The following CHST15 variants were observed in gnomAD, a reference collection of about 807,000 sequenced individuals.
CHST15 encodes carbohydrate sulfotransferase 15.
Under a neutral mutation model 53.6 loss-of-function variants are expected in CHST15, and 30 were observed. The ratio of observed to expected loss-of-function variants is 0.56; its 90% CI spans 0.42 to 0.76. The LOEUF (loss-of-function observed/expected upper bound fraction) is 0.76, where lower values mean the gene tolerates loss of function less well. Ranked by LOEUF, CHST15 falls within the 30% of genes least tolerant of loss-of-function variation. The pLI is 0.00. For synonymous variants in CHST15, 296 were observed against 289.8 expected (o/e 1.02, Z -0.22); for missense variants, 627 against 740.5 (o/e 0.85, Z 1.78).
Position 124,026,844 on chromosome 10 carries a change from C to T in CHST15, c.1191-5432G>A, listed in dbSNP as rs183585929. 4.5e-3 allele frequency among the ~76,000 whole-genome samples: 679 copies of T among 152,238 alleles called. 6 individuals are homozygous for T. The highest frequency in any genetic ancestry group is 0.016 in the African/African-American group (647 of 41,530). On this transcript the variant is annotated intron_variant, in intron 5 of 7. Coordinates refer to ENST00000435907, the MANE Select transcript of CHST15 (RefSeq NM_001270764.2). ...AGGACTGACCAGCGGGCAGAAGGTT[C>T]GGGAAGAAAGCCTGGTTGCAGGCAA...
rs929957817 is a variant in CHST15, at chr10:124,038,746, C to G, written c.1034-75G>C. The G allele has an allele frequency of 4.1e-5, 61 of 1,487,092 alleles. No individual in the cohort carries two copies. The Admixed American group carries it at 1.0e-3, about 25-fold the overall frequency. 92.1% of individuals were successfully genotyped at this position (1,487,092 alleles called of 1,614,324 possible). A position where few individuals can be genotyped will look rare whatever the true frequency, so the allele number is the denominator to read the frequency against. The stretch of plus-strand genomic sequence containing the variant: ...ACGGAGTGGCTCTAGGTGCCAGAGG[C>G]CACACCTGGCCCCGATGCCTTCCTC... On this transcript the variant is annotated intron_variant, in intron 4 of 7. Transcript: ENST00000435907.
intron 1 of CHST15, among the ~76,000 whole-genome samples, chr10:124,062,885 A>G (rs1308297004): frequency 2.6e-5 from 4 of 152,080 alleles, no homozygotes; most frequent in Non-Finnish European, 5.9e-5. Flanking sequence ...GTACTTTCAC[A>G]TTCACTCATC....
intron 1 of CHST15, among the ~76,000 whole-genome samples, chr10:124,063,061 G>A (rs527815244): frequency 2.0e-5 from 3 of 152,170 alleles, no homozygotes; most frequent in Admixed American, 2.0e-4. Context: ...CAAAGAGAGA[G>A]AGATCCAGAC....
intron 4 of CHST15, among the ~76,000 whole-genome samples, chr10:124,041,541 C>T (rs778965900): frequency 2.0e-5 from 3 of 152,100 alleles, no homozygotes; most frequent in Admixed American, 1.3e-4. Context: ...ACCACACACA[C>T]GCCCCCCTCC....
At chr10:124,048,286 G>C (rs1948072234) in intron 1 of CHST15, among the ~76,000 whole-genome samples, 1 of 152,206 alleles carries the variant, frequency 6.6e-6, no homozygotes, top group Non-Finnish European at 1.5e-5. Flanking sequence ...GAATCCACAA[G>C]AGAGGAATAT....
At chr10:124,058,113 A>G (rs1479065009) in intron 1 of CHST15, among the ~76,000 whole-genome samples, 2 of 152,192 alleles carry the variant, frequency 1.3e-5, no homozygotes, top group Non-Finnish European at 2.9e-5. Context: ...ACACCAGTGT[A>G]GGGACTAGAT....
chr10:124,087,744 T>C (rs1363064071), intron 1 of CHST15, among the ~76,000 whole-genome samples: 1 of 142,378 alleles, frequency 7.0e-6, no homozygotes, highest in Non-Finnish European at 1.5e-5. Flanking sequence ...TGGGCTCTTT[T>C]AAGCTGAGAG....
intron 1 of CHST15, among the ~76,000 whole-genome samples, chr10:124,057,107 A>C (rs962408458): frequency 2.0e-5 from 3 of 152,234 alleles, no homozygotes; most frequent in Admixed American, 1.3e-4. Context: ...TGTCCTGATC[A>C]CTAACCTGGC....
At chr10:124,013,662 C>G (rs908128171) in intron 6 of CHST15, among the ~76,000 whole-genome samples, 2 of 152,206 alleles carry the variant, frequency 1.3e-5, no homozygotes, top group African/African-American at 4.8e-5. Flanking sequence ...GAAGTGAGAG[C>G]AGTCTTAGGA....
At chr10:124,032,784 T>C (rs115685205) in intron 5 of CHST15, among the ~76,000 whole-genome samples, 1 of 149,326 alleles carries the variant, frequency 6.7e-6, no homozygotes, top group Non-Finnish European at 1.5e-5. Flanking sequence ...CATCCACTTG[T>C]TTCCATTATT....
chr10:124,042,468 G>A lies in CHST15; in HGVS notation c.887-21C>T, dbSNP rs774456691. 15 of 1,610,864 alleles carry A rather than the reference G, an allele frequency of 9.3e-6. No individual in the cohort carries two copies. The Admixed American group carries it at 2.5e-4, about 27-fold the overall frequency. On this transcript the variant is annotated intron_variant, in intron 3 of 7. Transcript: ENST00000435907. ...GATTCCTATGAGAACCAAGAAGCAG[G>A]AGATACTGAGGACAAAGTTGCTACT...
At chr10:124,092,601 G>T (rs2134284163) in intron 1 of CHST15, 1 of 152,542 alleles carries the variant, frequency 6.6e-6, no homozygotes, top group Non-Finnish European at 1.5e-5. Flanking sequence ...GGGCTTAGGC[G>T]CGGGAGAGCT....
At chr10:124,058,926 A>T (rs1476604492) in intron 1 of CHST15, among the ~76,000 whole-genome samples, 1 of 152,190 alleles carries the variant, frequency 6.6e-6, no homozygotes, top group Non-Finnish European at 1.5e-5. Flanking sequence ...TAAATGTCAT[A>T]ATCTAAGAGG....
At position 124,007,749 on chromosome 10, in the gene CHST15, T is replaced by C. The variant is rs1946309416; in HGVS notation, c.*2400A>G. ...TAATTATGTTAAATATTAATAAAAG[T>C]ACAGCGTAACTGCGATTCACTTAAC... On this transcript the variant is annotated 3_prime_UTR_variant, in exon 8 of 8. Coordinates refer to ENST00000435907, the MANE Select transcript of CHST15 (RefSeq NM_001270764.2). The C allele has an allele frequency of 8.1e-7, 1 of 1,230,500 alleles. No homozygotes were observed. Among genetic ancestry groups the C allele is most frequent in the African/African-American group, 1.5e-5 (1 of 64,522 alleles). 76.2% of individuals were successfully genotyped at this position (1,230,500 alleles called of 1,614,324 possible).
chr10:124,080,245 C>T (rs1346015351), intron 1 of CHST15, among the ~76,000 whole-genome samples: 1 of 152,212 alleles, frequency 6.6e-6, no homozygotes, highest in African/African-American at 2.4e-5. Flanking sequence ...TAAACCAAGT[C>T]TCTTTCTCCC....
At chr10:124,063,975 G>C (rs1948674711) in intron 1 of CHST15, among the ~76,000 whole-genome samples, 1 of 151,876 alleles carries the variant, frequency 6.6e-6, no homozygotes, top group East Asian at 2.0e-4. Flanking sequence ...AAAAAAACTT[G>C]TTCAAAAAAT....
At position 124,063,780 on chromosome 10, in the gene CHST15, G is replaced by A. The variant is rs143541536; in HGVS notation, c.-512-17056C>T. On this transcript the variant is annotated intron_variant, in intron 1 of 7. Transcript: ENST00000435907. ...CAGCGAAGACCTTGCTTAAACCACC[G>A]CTGTCTTGCTCATCCTGTCAAGAAG... 2.4e-3 allele frequency among the ~76,000 whole-genome samples: 370 copies of A among 152,258 alleles called. 2 individuals carry two copies. Among genetic ancestry groups the A allele is most frequent in the East Asian group, 0.017 (88 of 5,182 alleles).
chr10:124,091,332 C>A (rs1458324519), intron 1 of CHST15, among the ~76,000 whole-genome samples: 1 of 152,040 alleles, frequency 6.6e-6, no homozygotes, highest in Non-Finnish European at 1.5e-5. Flanking sequence ...GCAAGGTTGC[C>A]GGTCCTGGGA....
intron 1 of CHST15, among the ~76,000 whole-genome samples, chr10:124,088,909 T>C (rs1454511490): frequency 6.6e-6 from 1 of 152,248 alleles, no homozygotes; most frequent in African/African-American, 2.4e-5. Flanking sequence ...GTTCCATTTA[T>C]GGTCCATCTC....
Sources: gnomAD v4.1 joint callset for allele counts (sites outside exome capture counted in the v4.1 genomes callset) on GRCh38, gnomAD v4.1.1 for gene constraint, MANE v1.5 for transcripts, NCBI Gene and HGNC (gene_info 2026-07-23, HGNC 2026-07-21) for gene names.